Variants in SNX25 observed in about 807,000 individuals in gnomAD.
SNX25 encodes the protein sorting nexin-25.
Under a neutral mutation model 113.7 loss-of-function variants are expected in SNX25, and 62 were observed. That is an observed-to-expected ratio of 0.55 (90% CI 0.44 to 0.67). The LOEUF (loss-of-function observed/expected upper bound fraction) is 0.67, where lower values mean the gene tolerates loss of function less well. Among genes scored for constraint, SNX25 ranks in the 30% least tolerant of loss-of-function variants. SNX25 has a pLI of 0.00. For synonymous variants in SNX25, 421 were observed against 436.2 expected, an observed-to-expected ratio of 0.97 and a Z score of 0.43; for missense variants, 1,014 against 1,161.0, an observed-to-expected ratio of 0.87 and a Z score of 1.84.
chr4:185,286,743 G>A (rs1286515196), intron 5 of SNX25, among the ~76,000 whole-genome samples: 4 of 152,218 alleles, frequency 2.6e-5, no homozygotes. Flanking sequence ...GGCAGTGTCT[G>A]CCACCATCTC....
chr4:185,262,617 T>A (rs533672160), intron 3 of SNX25, among the ~76,000 whole-genome samples: 26 of 152,346 alleles, frequency 1.7e-4, no homozygotes, highest in Non-Finnish European at 2.5e-4. Context: ...CTTTGACAGT[T>A]CACATAATCA....
chr4:185,314,249 C>A (rs1243132865), intron 7 of SNX25, among the ~76,000 whole-genome samples: 1 of 138,660 alleles, frequency 7.2e-6, no homozygotes, highest in Admixed American at 8.2e-5. Context: ...CAGCACTTGG[C>A]GGGCAAAGAC....
Position 185,309,930 on chromosome 4 carries a change from A to G in SNX25, c.1163-705A>G, listed in dbSNP as rs1405252739. Among the ~76,000 whole-genome samples, 5 of 152,200 alleles carry G rather than the reference A, an allele frequency of 3.3e-5. No individual in the cohort carries two copies. In the East Asian group the frequency reaches 9.6e-4, roughly 29 times the overall value. On this transcript the variant is annotated intron_variant, in intron 6 of 18. Transcript: ENST00000652585. ...GCACCTCATGGCTTCTGCCAGCATCAGAGTTATTTTGGATCTTCTGGCTCC... is the reference window on the plus strand; with the variant it reads ...GCACCTCATGGCTTCTGCCAGCATCGGAGTTATTTTGGATCTTCTGGCTCC...
intron 6 of SNX25, among the ~76,000 whole-genome samples, chr4:185,294,452 A>T (rs1185709812): frequency 6.6e-6 from 1 of 152,190 alleles, no homozygotes; most frequent in African/African-American, 2.4e-5. Flanking sequence ...CTCAATGAAG[A>T]TACTGAAGGA....
downstream of SNX25, among the ~76,000 whole-genome samples, chr4:185,372,436 G>T (rs896471798): frequency 6.6e-6 from 1 of 152,190 alleles, no homozygotes; most frequent in Non-Finnish European, 1.5e-5. Context: ...CATTTCAAGT[G>T]CTCAATAGCT....
At chr4:185,321,132 T>A (rs541737310) in intron 8 of SNX25, among the ~76,000 whole-genome samples, 1 of 152,314 alleles carries the variant, frequency 6.6e-6, no homozygotes, top group East Asian at 1.9e-4. Flanking sequence ...TTTTACACAT[T>A]GTAAAAAGAC....
At chr4:185,371,679 A>G (rs2095416666), downstream of SNX25, among the ~76,000 whole-genome samples, 1 of 152,188 alleles carries the variant, frequency 6.6e-6, no homozygotes, top group Admixed American at 6.5e-5. Context: ...GGGATGTGGA[A>G]AATAAGGGAA....
At chr4:185,332,393 C>T (rs1461184067) in intron 9 of SNX25, among the ~76,000 whole-genome samples, 1 of 152,102 alleles carries the variant, frequency 6.6e-6, no homozygotes, top group East Asian at 1.9e-4. Flanking sequence ...AAAATGTTTC[C>T]GTTTTGCAAT....
At chr4:185,364,253 A>G (rs2095378869), downstream of SNX25, 1 of 152,180 alleles carries the variant, frequency 6.6e-6, no homozygotes, top group African/African-American at 2.4e-5. Flanking sequence ...GGGAGCGGAA[A>G]GAGGAGGGCA....
At chr4:185,264,288 A>G (rs952584891) in intron 3 of SNX25, 150 bp from the exon 4 acceptor site, 5 of 729,252 alleles carry the variant, frequency 6.9e-6, no homozygotes, top group African/African-American at 1.8e-5. Context: ...AGTTTTCCAG[A>G]TGAGTTGATG....
intron 2 of SNX25, among the ~76,000 whole-genome samples, chr4:185,257,174 G>A (rs200949429): frequency 1.2e-5 from 1 of 80,526 alleles, no homozygotes; most frequent in East Asian, 4.0e-4. Context: ...TGTTTGAAAA[G>A]TGAAAAAAAA....
At chr4:185,316,528 C>G (rs1378316367) in intron 7 of SNX25, among the ~76,000 whole-genome samples, 3 of 152,162 alleles carry the variant, frequency 2.0e-5, no homozygotes, top group South Asian at 4.1e-4. Context: ...TAGCACCCCC[C>G]ACACCAGTGG....
intron 3 of SNX25, 55 bp downstream of exon 3, chr4:185,259,119 T>A: frequency 6.7e-7 from 1 of 1,483,102 alleles, no homozygotes; most frequent in Non-Finnish European, 9.3e-7. Flanking sequence ...TTTAATTGAG[T>A]AAAAGGTCAA....
the SNX25 span, chr4:185,375,646 C>T: frequency 1.2e-6 from 2 of 1,611,436 alleles, no homozygotes; most frequent in South Asian, 1.1e-5. Flanking sequence ...CATCATAGTA[C>T]ATCACTCCTA....
intron 5 of SNX25, 33 bp downstream of exon 5, chr4:185,267,188 C>G (rs569930827): frequency 1.3e-6 from 2 of 1,583,178 alleles, no homozygotes; most frequent in South Asian, 2.3e-5. Flanking sequence ...ACAGCAACAG[C>G]TACTGATTAT....
intron 6 of SNX25, among the ~76,000 whole-genome samples, chr4:185,297,450 T>C (rs546727690): frequency 3.3e-5 from 5 of 152,342 alleles, no homozygotes; most frequent in East Asian, 3.9e-4. Flanking sequence ...ACAGTTTTGT[T>C]TGGATATCTC....
intron 1 of SNX25, among the ~76,000 whole-genome samples, chr4:185,239,308 T>TC (rs1560920822): frequency 6.6e-6 from 1 of 151,300 alleles, no homozygotes; most frequent in Admixed American, 6.6e-5. Flanking sequence ...ACGGTGAAAC[T>TC]CCGTCTCTAC....
intron 6 of SNX25, among the ~76,000 whole-genome samples, chr4:185,308,334 G>A (rs1200665760): frequency 3.3e-5 from 5 of 152,250 alleles, no homozygotes; most frequent in East Asian, 1.9e-4. Context: ...TTTGCTTGAC[G>A]TGGCATAACT....
Position 185,300,840 on chromosome 4 carries a change from G to GACACACACACACACACACACACAC in SNX25, c.1163-9783_1163-9760dup, listed in dbSNP as rs58762122. The stretch of plus-strand genomic sequence containing the variant: ...ATGCCTGTGGTATTATGATTATTAT[G>GACACACACACACACACACACACAC]ACACACACACACACACACACACACA... On this transcript the variant is annotated intron_variant, in intron 6 of 18. Coordinates refer to ENST00000652585, the MANE Select transcript of SNX25 (RefSeq NM_001378034.2). Among the ~76,000 whole-genome samples, 308 of 140,776 alleles carry GACACACACACACACACACACACAC rather than the reference G, an allele frequency of 2.2e-3. 6 individuals are homozygous for GACACACACACACACACACACACAC. Among genetic ancestry groups the GACACACACACACACACACACACAC allele is most frequent in the Admixed American group, 0.015 (205 of 13,760 alleles). 92.4% of individuals were successfully genotyped at this position (140,776 alleles called of 152,430 possible). A position where few individuals can be genotyped will look rare whatever the true frequency, so the allele number is the denominator to read the frequency against.
Sources: gnomAD v4.1 joint callset for allele counts (sites outside exome capture counted in the v4.1 genomes callset) on GRCh38, gnomAD v4.1.1 for gene constraint, MANE v1.5 for transcripts, NCBI Gene and HGNC (gene_info 2026-07-23, HGNC 2026-07-21) for gene names.